Variants in HORMAD1 observed in about 807,000 individuals in gnomAD.
The protein encoded by HORMAD1 is HORMA domain-containing protein 1.
Under a neutral mutation model 58.2 loss-of-function variants are expected in HORMAD1, and 33 were observed. That is an observed-to-expected ratio of 0.57 (90% CI 0.43 to 0.76). The LOEUF (loss-of-function observed/expected upper bound fraction) is 0.76, where lower values mean the gene tolerates loss of function less well. Among genes scored for constraint, HORMAD1 ranks in the 30% least tolerant of loss-of-function variants. The probability of loss-of-function intolerance (pLI) is 0.00; values close to 1 mark genes in which losing one functional copy is unlikely to be tolerated. For synonymous variants in HORMAD1, 137 were observed against 144.6 expected (o/e 0.95, Z 0.38); for missense variants, 363 against 462.0 (o/e 0.79, Z 1.96).
chr1:150,704,692 T>C (rs1461885987), intron 10 of HORMAD1, among the ~76,000 whole-genome samples: 2 of 151,904 alleles, frequency 1.3e-5, no homozygotes, highest in East Asian at 3.9e-4. Flanking sequence ...GCCGTGATCA[T>C]CCCACTGCGC....
At chr1:150,720,162 C>A (rs749411799) in intron 1 of HORMAD1, among the ~76,000 whole-genome samples, 8 of 152,144 alleles carry the variant, frequency 5.3e-5, no homozygotes, top group South Asian at 2.1e-4. Context: ...GCAACCTCCC[C>A]CTCTGGGTTC....
chr1:150,706,505 T>A (rs1651694631), intron 10 of HORMAD1, 48 bp downstream of exon 10: 14 of 1,446,394 alleles, frequency 9.7e-6, no homozygotes, highest in Non-Finnish European at 1.3e-5. Context: ...CAGAATTGAG[T>A]CAAACATTTG....
intron 14 of HORMAD1, 97 bp downstream of exon 14, chr1:150,700,015 C>T (rs918563789): frequency 3.3e-6 from 2 of 598,562 alleles, no homozygotes; most frequent in Non-Finnish European, 5.9e-6. Flanking sequence ...TCAGGTACAT[C>T]GAAAGATATC....
Position 150,719,584 on chromosome 1 carries a change from T to C in HORMAD1, c.-33-46A>G, listed in dbSNP as rs113535038. On this transcript the variant is annotated intron_variant, in intron 1 of 14. Coordinates refer to ENST00000361824, the MANE Select transcript of HORMAD1 (RefSeq NM_032132.5). ...TTTAACTTAGAGCTCATTTTTTTCC[T>C]CTAACATTTCAGTTTACCACATATA... 1.3e-3 allele frequency: 1,194 copies of C among 934,218 alleles called. 15 individuals carry two copies. In the African/African-American group the frequency reaches 0.018, roughly 14 times the overall value. The allele number at this position is 934,218 out of a possible 1,614,324, so 57.9% of individuals were successfully genotyped here.
At position 150,706,535 on chromosome 1, in the gene HORMAD1, C is replaced by T. The variant is rs1571069685; in HGVS notation, c.804+18G>A. On this transcript the variant is annotated intron_variant, in intron 10 of 14. Coordinates refer to ENST00000361824, the MANE Select transcript of HORMAD1 (RefSeq NM_032132.5). ...CATTTGTTATTATTGTTCTTTATAA[C>T]TCTTGAAATACACTTACACTTGTAT... The T allele has an allele frequency of 1.3e-6, 2 of 1,567,254 alleles. No individual in the cohort carries two copies. Among genetic ancestry groups the T allele is most frequent in the East Asian group, 2.2e-5 (1 of 44,490 alleles).
chr1:150,710,276 C>G (rs1286731885), intron 7 of HORMAD1, among the ~76,000 whole-genome samples: 2 of 152,104 alleles, frequency 1.3e-5, no homozygotes, highest in Admixed American at 1.3e-4. Context: ...CATACCTCAG[C>G]AGAGTGGCTA....
At chr1:150,709,782 CA>C (rs1651809439) in intron 7 of HORMAD1, among the ~76,000 whole-genome samples, 1 of 151,658 alleles carries the variant, frequency 6.6e-6, no homozygotes, top group African/African-American at 2.4e-5. Context: ...TGAGATAGGA[CA>C]AAAACCGCCC....
intron 9 of HORMAD1, among the ~76,000 whole-genome samples, chr1:150,707,156 TACTC>T (rs1374140422): frequency 1.2e-4 from 19 of 152,192 alleles, no homozygotes; most frequent in Non-Finnish European, 7.3e-5. Flanking sequence ...ACATAGTAAA[TACTC>T]AATAAATGTT....
chr1:150,709,590 C>T (rs1651799221), intron 7 of HORMAD1, among the ~76,000 whole-genome samples: 2 of 151,790 alleles, frequency 1.3e-5, no homozygotes, highest in South Asian at 2.1e-4. Context: ...GAAATATGGC[C>T]TTGTGGGATG....
chr1:150,705,127 G>A (rs1478017585), intron 10 of HORMAD1, among the ~76,000 whole-genome samples: 1 of 152,130 alleles, frequency 6.6e-6, no homozygotes, highest in Non-Finnish European at 1.5e-5. Context: ...AGAAATAAAA[G>A]TGTTCCTAGA....
At chr1:150,711,651 T>C (rs1651909214) in intron 6 of HORMAD1, 80 bp from the exon 7 acceptor site, 3 of 1,148,970 alleles carry the variant, frequency 2.6e-6, no homozygotes, top group Non-Finnish European at 2.6e-6. Context: ...CTAAACTTCA[T>C]GTGAACTCAG....
At chr1:150,713,030 C>G (rs1651948961) in intron 5 of HORMAD1, among the ~76,000 whole-genome samples, 1 of 152,084 alleles carries the variant, frequency 6.6e-6, no homozygotes, top group African/African-American at 2.4e-5. Context: ...CTTTTTGTTC[C>G]TGGAACTCTC....
intron 9 of HORMAD1, among the ~76,000 whole-genome samples, chr1:150,707,756 T>C (rs1358781671): frequency 1.3e-5 from 2 of 152,068 alleles, no homozygotes; most frequent in Non-Finnish European, 2.9e-5. Context: ...GCCAACACGG[T>C]GAAACCCCAT....
rs1406629113 is a variant in HORMAD1 at position 150,720,825 on chromosome 1, C to T, written c.-55G>A. ...TTACATTACGTCTGAGGGGCGGGCG[C>T]CGGAGACCAGAAGAGCTGCACGAGG... On this transcript the variant is annotated 5_prime_UTR_variant, in exon 1 of 15. Coordinates refer to ENST00000361824, the MANE Select transcript of HORMAD1 (RefSeq NM_032132.5). 6.6e-6 allele frequency: 1 copy of T among 152,236 alleles called. No homozygotes were observed. The highest frequency in any genetic ancestry group is 2.4e-5 in the African/African-American group (1 of 41,454). The allele number at this position is 152,236 out of a possible 1,614,324, so 9.4% of individuals were successfully genotyped here.
In HORMAD1 at chr1:150,704,322, T is replaced by C. The variant is rs1421675688; in HGVS notation, c.826A>G (p.Lys276Glu). Reference protein sequence around the residue: ...YTSDDLDIETKMEEQEKNPAS... With the variant: ...YTSDDLDIETEMEEQEKNPAS... ...GGGTTTTTTTCCTGTTCTTCCATTT[T>C]AGTTTCAATGTCCAAATCATCCTAC... The change falls in exon 11 of 15, where the codon AAA becomes GAA. Residue 276 changes from lysine (K) to glutamate (E), a missense_variant. By Grantham distance (56) the Lys-to-Glu change is moderately conservative (BLOSUM62 1). Transcript: ENST00000361824. 1 of 1,584,098 alleles carries C rather than the reference T, an allele frequency of 6.3e-7. No homozygotes were observed. Among genetic ancestry groups the C allele is most frequent in the Admixed American group, 1.9e-5 (1 of 53,286 alleles).
intron 1 of HORMAD1, 39 bp from the exon 2 acceptor site, chr1:150,719,577 T>G: frequency 9.7e-7 from 1 of 1,029,710 alleles, no homozygotes; most frequent in African/African-American, 1.6e-5. Flanking sequence ...AGAGCTCATT[T>G]TTTTCCTCTA....
intron 3 of HORMAD1, among the ~76,000 whole-genome samples, 196 bp from the exon 4 acceptor site, chr1:150,714,874 C>T (rs1652021533): frequency 1.3e-5 from 2 of 152,010 alleles, no homozygotes; most frequent in South Asian, 2.1e-4. Flanking sequence ...GAACTTCTGC[C>T]TTCCGAGTTC....
chr1:150,708,135 A>G (rs1182648296), intron 9 of HORMAD1, 121 bp downstream of exon 9: 3 of 639,898 alleles, frequency 4.7e-6, no homozygotes, highest in Non-Finnish European at 7.7e-6. Flanking sequence ...TAGTGATATT[A>G]AGTGTAAATT....
chr1:150,708,492 T>G, intron 8 of HORMAD1, 85 bp from the exon 9 acceptor site: 1 of 849,224 alleles, frequency 1.2e-6, no homozygotes, highest in East Asian at 2.9e-5. Flanking sequence ...TTTGAGATTC[T>G]TATTTCTATT....
Sources: allele counts gnomAD v4.1 joint callset (sites outside exome capture counted in the v4.1 genomes callset), GRCh38; gene constraint gnomAD v4.1.1; transcripts MANE v1.5; gene names NCBI Gene and HGNC (gene_info 2026-07-23, HGNC 2026-07-21).